GPHN: variants seen among roughly 807,000 people sequenced by gnomAD.
GPHN encodes gephyrin.
A neutral mutation model predicts 95.5 loss-of-function variants in GPHN; 17 were observed. The observed-to-expected ratio is 0.18, with a 90% CI of 0.12 to 0.27. GPHN has a LOEUF of 0.27. Among genes scored for constraint, GPHN ranks in the 10% least tolerant of loss-of-function variants. The probability of loss-of-function intolerance (pLI) is 1.00; values close to 1 mark genes in which losing one functional copy is unlikely to be tolerated. For missense variants in GPHN, 660 were observed against 978.1 expected, an observed-to-expected ratio of 0.67 and a Z score of 4.34; for synonymous variants, 320 against 322.5, an observed-to-expected ratio of 0.99 and a Z score of 0.08.
the GPHN span, among the ~76,000 whole-genome samples, chr14:67,341,565 G>A: frequency 2.0e-5 from 3 of 150,510 alleles, no homozygotes; most frequent in Non-Finnish European, 3.0e-5. Flanking sequence ...GGGAGGTGGG[G>A]GGGTCAGCCC....
chr14:67,628,251 T>C, the GPHN span, among the ~76,000 whole-genome samples: 1 of 152,240 alleles, frequency 6.6e-6, no homozygotes, highest in Non-Finnish European at 1.5e-5. Flanking sequence ...TCTCACTATG[T>C]TGCCCAGGCT....
the GPHN span, among the ~76,000 whole-genome samples, chr14:67,423,233 G>C: frequency 6.6e-6 from 1 of 152,140 alleles, no homozygotes; most frequent in African/African-American, 2.4e-5. Flanking sequence ...AAAAGGGGTT[G>C]GGGGAGGGCA....
At chr14:67,731,495 G>A in the GPHN span, among the ~76,000 whole-genome samples, 4 of 151,842 alleles carry the variant, frequency 2.6e-5, no homozygotes, top group Admixed American at 6.6e-5. Context: ...GATTGCAGGC[G>A]TGAGCCACTG....
At chr14:67,343,546 C>T in the GPHN span, 2 of 822,438 alleles carry the variant, frequency 2.4e-6, no homozygotes, top group Non-Finnish European at 3.9e-6. Context: ...AGAACCAAGA[C>T]AACTTCTTTT....
At chr14:66,784,449 C>A (rs1230576772) in intron 3 of GPHN, among the ~76,000 whole-genome samples, 1 of 152,000 alleles carries the variant, frequency 6.6e-6, no homozygotes, top group Non-Finnish European at 1.5e-5. Flanking sequence ...AGAAAAAGGC[C>A]TGAAATTTCA....
chr14:67,083,570 T>G (rs2076774857), intron 11 of GPHN, among the ~76,000 whole-genome samples: 1 of 152,196 alleles, frequency 6.6e-6, no homozygotes, highest in South Asian at 2.1e-4. Flanking sequence ...TTTATAGCAG[T>G]GCAAGAACAG....
the GPHN span, among the ~76,000 whole-genome samples, chr14:67,478,342 C>T: frequency 6.6e-6 from 1 of 152,208 alleles, no homozygotes; most frequent in Non-Finnish European, 1.5e-5. Flanking sequence ...TAACTCCCAC[C>T]CTTACCACCT....
At chr14:67,037,842 G>A (rs2074501522) in intron 10 of GPHN, among the ~76,000 whole-genome samples, 1 of 151,562 alleles carries the variant, frequency 6.6e-6, no homozygotes, top group African/African-American at 2.4e-5. Context: ...GAACCCTTGT[G>A]CCCTGTTGGT....
chr14:67,388,439 C>T, the GPHN span: 1 of 669,504 alleles, frequency 1.5e-6, no homozygotes, highest in Admixed American at 2.1e-5. Context: ...ACTTGGACAT[C>T]ACATGGCCAA....
At chr14:67,427,515 G>A in the GPHN span, among the ~76,000 whole-genome samples, 15 of 152,120 alleles carry the variant, frequency 9.9e-5, no homozygotes, top group South Asian at 4.2e-4. Context: ...ACACCCTGCC[G>A]CGAACACACT....
chr14:66,996,224 T>C (rs1322451014), intron 9 of GPHN: 6 of 1,520,748 alleles, frequency 3.9e-6, no homozygotes, highest in South Asian at 1.2e-5. Context: ...CTGAGGTATA[T>C]TTTGCACGTG....
chr14:67,277,803 A>G, the GPHN span, among the ~76,000 whole-genome samples: 3 of 152,122 alleles, frequency 2.0e-5, no homozygotes, highest in Non-Finnish European at 2.9e-5. Context: ...CTCATGTGAA[A>G]CTCAGAACTG....
intron 1 of GPHN, among the ~76,000 whole-genome samples, chr14:66,525,379 A>C (rs1375579264): frequency 6.6e-6 from 1 of 152,064 alleles, no homozygotes; most frequent in African/African-American, 2.4e-5. Flanking sequence ...TTCTTTGTAG[A>C]TTCTGGATAT....
intron 2 of GPHN, among the ~76,000 whole-genome samples, chr14:66,684,046 T>A (rs6573706): frequency 0.31 from 47,253 of 151,964 alleles, 11,173 homozygotes; most frequent in African/African-American, 0.64. Flanking sequence ...GTCTGATGGT[T>A]ATTAAAATTG....
chr14:66,596,417 G>T (rs1391339890), intron 1 of GPHN, among the ~76,000 whole-genome samples: 1 of 152,012 alleles, frequency 6.6e-6, no homozygotes, highest in African/African-American at 2.4e-5. Flanking sequence ...TGCCATCCAC[G>T]GTGCCCATGG....
the GPHN span, among the ~76,000 whole-genome samples, chr14:67,600,564 T>C: frequency 6.6e-6 from 1 of 152,078 alleles, no homozygotes; most frequent in Non-Finnish European, 1.5e-5. Flanking sequence ...ATGCCCCTGC[T>C]CTCTAGCCTG....
At chr14:66,686,997 T>C (rs1355480861) in intron 2 of GPHN, among the ~76,000 whole-genome samples, 4 of 152,350 alleles carry the variant, frequency 2.6e-5, no homozygotes, top group South Asian at 2.1e-4. Context: ...TTTCTGCATC[T>C]ATTGAGATGA....
the GPHN span, among the ~76,000 whole-genome samples, chr14:67,576,857 G>A: frequency 2.0e-5 from 3 of 152,172 alleles, no homozygotes; most frequent in Admixed American, 1.3e-4. This position sits in a 1 kb window ranked among gnomAD's most constrained non-coding sequence, Gnocchi z 4.0. Flanking sequence ...CCTAAATTGG[G>A]ATCGGACTAA....
the GPHN span, among the ~76,000 whole-genome samples, chr14:67,600,602 A>T: frequency 3.9e-5 from 6 of 152,176 alleles, no homozygotes; most frequent in African/African-American, 1.2e-4. Context: ...CTGTCTCAAA[A>T]CAAACCCACA....
Sources: gnomAD v4.1 joint callset for allele counts (sites outside exome capture counted in the v4.1 genomes callset) on GRCh38, gnomAD v4.1.1 for gene constraint, Gnocchi (gnomAD v3.1) non-coding constraint, MANE v1.5 for transcripts, NCBI Gene and HGNC (gene_info 2026-07-23, HGNC 2026-07-21) for gene names.